The following ABLIM3 variants were observed in gnomAD, a reference collection of about 807,000 sequenced individuals.
The protein encoded by ABLIM3 is actin binding LIM protein family member 3, also known as actin-binding LIM protein 3.
In ABLIM3, 61 loss-of-function variants were observed where a neutral mutation model predicts 109.5. The observed-to-expected ratio is 0.56, with a 90% CI of 0.45 to 0.69. The LOEUF is 0.69. ABLIM3 is among the 30% of genes least tolerant of loss of function. The pLI is 0.00. For synonymous variants in ABLIM3, 300 were observed against 324.8 expected (o/e 0.92, Z 0.82); for missense variants, 796 against 889.5 (o/e 0.89, Z 1.34).
chr5:149,155,838 T>C (rs961451497), intron 2 of ABLIM3, among the ~76,000 whole-genome samples: 4 of 152,172 alleles, frequency 2.6e-5, no homozygotes, highest in Admixed American at 6.5e-5. Flanking sequence ...ATCAGCTCTT[T>C]GAGAGGGTCA....
intron 3 of ABLIM3, among the ~76,000 whole-genome samples, chr5:149,194,181 A>G (rs1453031663): frequency 6.6e-6 from 1 of 152,228 alleles, no homozygotes; most frequent in East Asian, 1.9e-4. Context: ...AATGACTGAA[A>G]AAGGATTGAT....
intron 23 of ABLIM3, among the ~76,000 whole-genome samples, chr5:149,257,001 T>C (rs1036994676): frequency 6.6e-6 from 1 of 152,216 alleles, no homozygotes; most frequent in African/African-American, 2.4e-5. Flanking sequence ...TCTGAAGGTA[T>C]GGGGAAAATG....
rs1396113122 is a variant in ABLIM3 at position 149,239,796 on chromosome 5, C to A, written c.1112C>A (p.Ala371Asp). 1.2e-6 allele frequency: 2 copies of A among 1,608,380 alleles called. No individual in the cohort carries two copies. The highest frequency in any genetic ancestry group is 3.4e-5 in the Admixed American group (2 of 59,320). ...AACCTGGACCTCCGGCAGAGACGGGCCTCCAGCCCGGGGTACATAGACTCC... is the reference window on the plus strand; with the variant it reads ...AACCTGGACCTCCGGCAGAGACGGGACTCCAGCCCGGGGTACATAGACTCC... ...YENLDLRQRRASSPGYIDSPT... is the reference protein window; with the variant it reads ...YENLDLRQRRDSSPGYIDSPT... Residue 371 changes from alanine (A) to aspartate (D), a missense_variant, in exon 13 of 24, where the codon GCC becomes GAC. By Grantham distance (126) the Ala-to-Asp change is moderately radical (BLOSUM62 -2). Transcript: ENST00000309868.
chr5:149,200,575 G>A (rs1758400689), intron 5 of ABLIM3, 147 bp downstream of exon 5: 1 of 723,858 alleles, frequency 1.4e-6, no homozygotes, highest in Non-Finnish European at 2.3e-6. Context: ...GACCCCATTG[G>A]CATGTGGCCC....
Position 149,252,372 on chromosome 5 carries a change from T to C in ABLIM3, c.1857+164T>C, listed in dbSNP as rs548084869. ...CATTTCCTGTCCCTTCTTGGCCCAC[T>C]TTTCCTGAATCCTGCCCTAGGTCTC... On this transcript the variant is annotated intron_variant, in intron 22 of 23. Coordinates refer to ENST00000309868, the MANE Select transcript of ABLIM3 (RefSeq NM_014945.5). The C allele has an allele frequency of 5.5e-5, 38 of 685,808 alleles. No individual in the cohort carries two copies. In the Admixed American group the frequency reaches 7.4e-4, roughly 13 times the overall value. The allele number at this position is 685,808 out of a possible 1,614,324, so 42.5% of individuals were successfully genotyped here. A position where few individuals can be genotyped will look rare whatever the true frequency, so the allele number is the denominator to read the frequency against.
intron 22 of ABLIM3, 92 bp from the exon 23 acceptor site, chr5:149,252,665 G>A (rs1754044727): frequency 2.1e-6 from 2 of 972,964 alleles, no homozygotes; most frequent in South Asian, 2.8e-5. Context: ...GCCATTTCTG[G>A]ATAGAACAGA....
In ABLIM3 at chr5:149,200,399, G is replaced by C; in HGVS notation, c.419G>C (p.Ser140Thr). 3 of 1,614,218 alleles carry C rather than the reference G, an allele frequency of 1.9e-6. No homozygotes were observed. The highest frequency in any genetic ancestry group is 2.5e-6 in the Non-Finnish European group (3 of 1,180,038). Residue 140 changes from serine (S) to threonine (T), a missense_variant, in exon 5 of 24, where the codon AGT becomes ACT. By Grantham distance (58) the Ser-to-Thr change is moderately conservative. Transcript: ENST00000309868. Reference protein sequence around the residue: ...CQTCSQSMASSKPIKIRGPSH... With the variant: ...CQTCSQSMASTKPIKIRGPSH... ...ACGTGCTCCCAGTCCATGGCCAGCA[G>C]TAAGCCCATCAAGATTCGTGGACCA... is the stretch of plus-strand genomic sequence containing the variant.
At chr5:149,253,501 G>C (rs1473710411) in intron 23 of ABLIM3, among the ~76,000 whole-genome samples, 1 of 152,196 alleles carries the variant, frequency 6.6e-6, no homozygotes, top group African/African-American at 2.4e-5. Context: ...CCTTAGCATG[G>C]AGTCTGGCAA....
rs369208934 is a variant in ABLIM3 at position 149,222,117 on chromosome 5, TTAA to T, written c.757+5081_757+5083del. 1.5e-3 allele frequency among the ~76,000 whole-genome samples: 223 copies of T among 150,678 alleles called. 5 individuals are homozygous for T. The South Asian group carries it at 0.024, about 16-fold the overall frequency. ...AATAATAATGATAATAATAAAAATA[TTAA>T]TAATAATAAAATGCCATCATTTTAT... On this transcript the variant is annotated intron_variant, in intron 8 of 23. Coordinates refer to ENST00000309868, the MANE Select transcript of ABLIM3 (RefSeq NM_014945.5).
chr5:149,168,340 A>G (rs541462751), intron 2 of ABLIM3, among the ~76,000 whole-genome samples: 5 of 152,336 alleles, frequency 3.3e-5, no homozygotes, highest in South Asian at 4.1e-4. Context: ...TGAGGGGCCA[A>G]TGATGAATCT....
chr5:149,242,607 G>C, intron 15 of ABLIM3, 69 bp downstream of exon 15: 2 of 1,529,742 alleles, frequency 1.3e-6, no homozygotes, highest in South Asian at 2.2e-5. Flanking sequence ...TATGCAGATG[G>C]CCCTGCACAG....
intron 5 of ABLIM3, among the ~76,000 whole-genome samples, chr5:149,206,305 C>A (rs1758960664): frequency 6.6e-6 from 1 of 152,178 alleles, no homozygotes; most frequent in Non-Finnish European, 1.5e-5. Flanking sequence ...CCCTGTAATC[C>A]TTGCCACTTG....
intron 17 of ABLIM3, among the ~76,000 whole-genome samples, chr5:149,246,757 C>T (rs914842177): frequency 6.6e-6 from 1 of 152,244 alleles, no homozygotes; most frequent in Non-Finnish European, 1.5e-5. Flanking sequence ...AAATTTGTCT[C>T]TTCACTTCTG....
Position 149,251,424 on chromosome 5 carries a change from G to C in ABLIM3, c.1849+5G>C, listed in dbSNP as rs1258806836. The stretch of plus-strand genomic sequence containing the variant: ...CAGTCAACTGGGGCATGCGAGGTGA[G>C]TGCAGGCCTGCAGGGGGTCTGCAGG... On this transcript the variant is annotated splice_donor_5th_base_variant and intron_variant, in intron 21 of 23. Transcript: ENST00000309868. 1 of 1,614,034 alleles carries C rather than the reference G, an allele frequency of 6.2e-7. No individual in the cohort carries two copies. Among genetic ancestry groups the C allele is most frequent in the Non-Finnish European group, 8.5e-7 (1 of 1,179,996 alleles).
chr5:149,214,473 G>A (rs1759852376), intron 7 of ABLIM3, among the ~76,000 whole-genome samples: 1 of 152,176 alleles, frequency 6.6e-6, no homozygotes, highest in Non-Finnish European at 1.5e-5. Flanking sequence ...GACAATCTCA[G>A]GCCCATCCCT....
intron 16 of ABLIM3, among the ~76,000 whole-genome samples, chr5:149,246,074 G>T (rs1262733533): frequency 6.6e-6 from 1 of 152,180 alleles, no homozygotes; most frequent in Non-Finnish European, 1.5e-5. Flanking sequence ...GAGGCAGGAG[G>T]ATCCCTTGAG....
intron 2 of ABLIM3, among the ~76,000 whole-genome samples, chr5:149,176,601 G>A (rs1292840634): frequency 1.3e-5 from 2 of 152,126 alleles, no homozygotes; most frequent in Non-Finnish European, 2.9e-5. Flanking sequence ...CCTGTAAAAT[G>A]AGGATAATAG....
intron 18 of ABLIM3, among the ~76,000 whole-genome samples, chr5:149,248,484 G>A (rs192312103): frequency 6.8e-4 from 104 of 152,170 alleles, no homozygotes; most frequent in African/African-American, 2.5e-3. Context: ...GAGGTCAGGA[G>A]ATCAAGACCA....
At position 149,217,065 on chromosome 5, in the gene ABLIM3, C is replaced by G; in HGVS notation, c.757+19C>G. ...CTCACAGGTAAGTAAATCTGACCCTCTGTAAGGCCTTCCGACCTGCTCATG... is the reference window on the plus strand; with the variant it reads ...CTCACAGGTAAGTAAATCTGACCCTGTGTAAGGCCTTCCGACCTGCTCATG... On this transcript the variant is annotated intron_variant, in intron 8 of 23. Transcript: ENST00000309868. 6.2e-7 allele frequency: 1 copy of G among 1,609,046 alleles called. No individual in the cohort carries two copies. The highest frequency in any genetic ancestry group is 8.5e-7 in the Non-Finnish European group (1 of 1,175,408).
Sources: gnomAD v4.1 joint callset for allele counts (sites outside exome capture counted in the v4.1 genomes callset) on GRCh38, gnomAD v4.1.1 for gene constraint, MANE v1.5 for transcripts, NCBI Gene and HGNC (gene_info 2026-07-23, HGNC 2026-07-21) for gene names.